The following HTR3B variants were observed in gnomAD, a reference collection of about 807,000 sequenced individuals.
The protein encoded by HTR3B is 5-hydroxytryptamine receptor 3B, also known as 5-hydroxytryptamine (serotonin) receptor 3B, ionotropic.
A neutral mutation model predicts 42.8 loss-of-function variants in HTR3B; 44 were observed. That is an observed-to-expected ratio of 1.03 (90% CI 0.81 to 1.32). HTR3B has a LOEUF of 1.32. HTR3B is among the 40% of genes most tolerant of loss of function. HTR3B has a pLI of 0.00. For synonymous variants in HTR3B, 203 were observed against 209.0 expected (o/e 0.97, Z 0.25); for missense variants, 527 against 536.5 (o/e 0.98, Z 0.17).
At position 113,907,401 on chromosome 11, in the gene HTR3B, T is replaced by C. The variant is rs547629832; in HGVS notation, c.53-1894T>C. 2.0e-5 allele frequency among the ~76,000 whole-genome samples: 3 copies of C among 152,356 alleles called. No homozygotes were observed. The South Asian group carries it at 6.2e-4, about 32-fold the overall frequency. On this transcript the variant is annotated intron_variant, in intron 1 of 8. Coordinates refer to ENST00000260191, the MANE Select transcript of HTR3B (RefSeq NM_006028.5). The stretch of plus-strand genomic sequence containing the variant: ...TCACTTAAATCCTTAATCTCTCTCC[T>C]GTAATTGATCTTTCTCCTCAGGCAA...
At chr11:113,943,768 C>T (rs2137539589) in intron 7 of HTR3B, among the ~76,000 whole-genome samples, 1 of 151,194 alleles carries the variant, frequency 6.6e-6, no homozygotes, top group East Asian at 2.0e-4. Flanking sequence ...AGCTATGATC[C>T]CACCACTGCA....
rs745942842 is a variant in HTR3B, at chr11:113,944,673, G to A, written c.1008G>A (p.Glu336=). The A allele has an allele frequency of 2.2e-5, 35 of 1,614,090 alleles. No individual in the cohort carries two copies. The highest frequency in any genetic ancestry group is 9.9e-5 in the South Asian group (9 of 91,082). The change falls in exon 8 of 9, where the codon GAG becomes GAA. Residue 336 remains glutamate (E), a synonymous_variant. Transcript: ENST00000260191. ...ATGATGAGCAGCGTGGTGGACAGGAGCAGCCCTTCTTGTGCCTTCGAGGGG... is the reference window on the plus strand; with the variant it reads ...ATGATGAGCAGCGTGGTGGACAGGAACAGCCCTTCTTGTGCCTTCGAGGGG... ...FLHDEQRGGQ[E]QPFLCLRGDT...
chr11:113,899,514 C>T, the HTR3B span, among the ~76,000 whole-genome samples: 2 of 152,152 alleles, frequency 1.3e-5, no homozygotes, highest in African/African-American at 4.8e-5. Flanking sequence ...GCATGACTGC[C>T]AAGGGAGTGA....
At chr11:113,920,854 C>T (rs1390082511) in intron 2 of HTR3B, among the ~76,000 whole-genome samples, 2 of 151,990 alleles carry the variant, frequency 1.3e-5, no homozygotes, top group Non-Finnish European at 2.9e-5. Flanking sequence ...ACTCTGTCGC[C>T]CAGTCTGGAG....
intron 6 of HTR3B, among the ~76,000 whole-genome samples, chr11:113,936,990 C>T (rs1950096996): frequency 6.6e-6 from 1 of 152,140 alleles, no homozygotes; most frequent in African/African-American, 2.4e-5. Flanking sequence ...CTTATTATTA[C>T]CTGGCTTTAA....
At chr11:113,923,810 CAA>C (rs1248307713) in intron 2 of HTR3B, among the ~76,000 whole-genome samples, 6 of 152,026 alleles carry the variant, frequency 3.9e-5, no homozygotes, top group Non-Finnish European at 8.8e-5. Flanking sequence ...TTTCCTTTGA[CAA>C]AAAAAGATTT....
intron 2 of HTR3B, among the ~76,000 whole-genome samples, chr11:113,921,617 CAAA>C (rs765786534): frequency 4.2e-5 from 4 of 95,642 alleles, no homozygotes; most frequent in Non-Finnish European, 4.6e-5. Context: ...GACTCCGTCT[CAAA>C]AAAAAAAAAA....
intron 6 of HTR3B, among the ~76,000 whole-genome samples, chr11:113,934,248 G>A (rs1218853697): frequency 6.6e-6 from 1 of 151,940 alleles, no homozygotes; most frequent in African/African-American, 2.4e-5. Flanking sequence ...CTTGCTGGGT[G>A]TAGTGGTGTG....
chr11:113,920,705 T>C (rs1949903851), intron 2 of HTR3B, among the ~76,000 whole-genome samples: 1 of 151,904 alleles, frequency 6.6e-6, no homozygotes, highest in Non-Finnish European at 1.5e-5. Context: ...TAAGTAAGAG[T>C]CCTAGCCCTA....
At chr11:113,939,473 C>T (rs1950116904) in intron 6 of HTR3B, among the ~76,000 whole-genome samples, 1 of 152,196 alleles carries the variant, frequency 6.6e-6, no homozygotes, top group Non-Finnish European at 1.5e-5. Context: ...TACATAGGTT[C>T]ATATCCACAA....
Position 113,905,590 on chromosome 11 carries a change from T to C in HTR3B, c.52+605T>C, listed in dbSNP as rs12363032. On this transcript the variant is annotated intron_variant, in intron 1 of 8. Transcript: ENST00000260191. ...GTAATTTAGAAGTTAATACTTTTTT[T>C]TCTAAATTTCTAGAACTATATTTCC... Among the ~76,000 whole-genome samples, 1,294 of 152,350 alleles carry C rather than the reference T, an allele frequency of 8.5e-3. 7 individuals carry two copies. Among genetic ancestry groups the C allele is most frequent in the Middle Eastern group, 0.02 (6 of 294 alleles).
upstream of HTR3B, among the ~76,000 whole-genome samples, chr11:113,904,252 A>G (rs866053190): frequency 2.2e-4 from 33 of 152,372 alleles, no homozygotes; most frequent in African/African-American, 7.9e-4. Context: ...GCCTAGAAGC[A>G]TCCTTTCTAG....
intron 6 of HTR3B, among the ~76,000 whole-genome samples, chr11:113,938,996 A>G (rs975895126): frequency 4.7e-5 from 7 of 150,276 alleles, no homozygotes; most frequent in Non-Finnish European, 8.9e-5. Flanking sequence ...ATTGTGTCTA[A>G]AAAAAAAAAA....
At chr11:113,912,517 AC>A (rs1232070302) in intron 2 of HTR3B, among the ~76,000 whole-genome samples, 1 of 152,226 alleles carries the variant, frequency 6.6e-6, no homozygotes, top group African/African-American at 2.4e-5. Flanking sequence ...TGCTGGGATT[AC>A]AGGCGTGAGC....
chr11:113,904,109 A>C (rs1949716731), upstream of HTR3B, among the ~76,000 whole-genome samples: 2 of 152,178 alleles, frequency 1.3e-5, no homozygotes, highest in African/African-American at 4.8e-5. Context: ...GGTGTCTAGA[A>C]ATGGAAAATA....
intron 2 of HTR3B, among the ~76,000 whole-genome samples, chr11:113,931,094 T>A (rs1950030248): frequency 6.6e-6 from 1 of 152,186 alleles, no homozygotes; most frequent in African/African-American, 2.4e-5. Context: ...GTCTGATTAA[T>A]GGTAGAGTAA....
chr11:113,909,672 A>G (rs982204700), intron 2 of HTR3B, among the ~76,000 whole-genome samples: 1 of 152,182 alleles, frequency 6.6e-6, no homozygotes, highest in African/African-American at 2.4e-5. Flanking sequence ...TGTCTAGATC[A>G]TGGAATTAAG....
intron 8 of HTR3B, among the ~76,000 whole-genome samples, chr11:113,945,480 G>A (rs916333108): frequency 6.6e-6 from 1 of 152,166 alleles, no homozygotes; most frequent in Non-Finnish European, 1.5e-5. Context: ...TACCCAAAGT[G>A]ACTGAGCCAT....
In HTR3B at chr11:113,946,522, C is replaced by T. The variant is rs1950182272; in HGVS notation, c.*385C>T. 6.4e-6 allele frequency: 1 copy of T among 157,316 alleles called. No individual in the cohort carries two copies. The highest frequency in any genetic ancestry group is 2.4e-5 in the African/African-American group (1 of 41,436). The allele number at this position is 157,316 out of a possible 1,614,324, so 9.7% of individuals were successfully genotyped here. A position where few individuals can be genotyped will look rare whatever the true frequency, so the allele number is the denominator to read the frequency against. ...CCAGCCTGGGTGACAGAGCAAGACC[C>T]TGTCTCAAAAAAAATAAAATAAAAG... On this transcript the variant is annotated 3_prime_UTR_variant, in exon 9 of 9. Transcript: ENST00000260191.
Sources: allele counts gnomAD v4.1 joint callset (sites outside exome capture counted in the v4.1 genomes callset), GRCh38; gene constraint gnomAD v4.1.1; transcripts MANE v1.5; gene names NCBI Gene and HGNC (gene_info 2026-07-23, HGNC 2026-07-21).